TG: variants seen among roughly 807,000 people sequenced by gnomAD.
The protein encoded by TG is thyroid hormones.
A neutral mutation model predicts 324.7 loss-of-function variants in TG; 270 were observed. The observed-to-expected ratio is 0.83, with a 90% CI of 0.75 to 0.92. The LOEUF (loss-of-function observed/expected upper bound fraction) is 0.92. Ranked by LOEUF, TG falls within the 40% of genes least tolerant of loss-of-function variation. The probability of loss-of-function intolerance (pLI) is 0.00; values close to 1 mark genes in which losing one functional copy is unlikely to be tolerated. For missense variants in TG, 3,591 were observed against 3,456.4 expected (o/e 1.04, Z -0.98); for synonymous variants, 1,401 against 1,327.0 (o/e 1.06, Z -1.21).
intron 39 of TG, 70 bp downstream of exon 39, chr8:133,019,765 G>A: frequency 1.5e-6 from 2 of 1,355,796 alleles, no homozygotes; most frequent in South Asian, 1.2e-5. Flanking sequence ...TCCCCACTGT[G>A]GCCAGCACAG....
In TG at chr8:133,062,606, T is replaced by G. The variant is rs3758109; in HGVS notation, c.7240-32438T>G. ...CAGGCCTCCCTGGCCCTGAGGGGAT[T>G]GTAGCCACAGGCGCTGTCCTGCACA... On this transcript the variant is annotated intron_variant, in intron 41 of 47. Transcript: ENST00000220616. Among the ~76,000 whole-genome samples the G allele has an allele frequency of 3.9e-5, 6 of 152,338 alleles. No individual in the cohort carries two copies. In the East Asian group the frequency reaches 1.2e-3, roughly 29 times the overall value.
intron 45 of TG, among the ~76,000 whole-genome samples, chr8:133,126,737 G>A (rs1851548380): frequency 6.6e-6 from 1 of 151,830 alleles, no homozygotes; most frequent in African/African-American, 2.4e-5. Context: ...TTTGCCCAAA[G>A]AGAGGCACGC....
rs1175615635 is a variant in TG, at chr8:132,931,230, T to TA, written c.4816+2039dup. 5.9e-5 allele frequency among the ~76,000 whole-genome samples: 9 copies of TA among 152,242 alleles called. No homozygotes were observed. In the South Asian group the frequency reaches 1.9e-3, roughly 31 times the overall value. ...TTATTTCTCATAAGGACACCAGTCCTATTGCCTTAGGGCCCACCCTAATGA... is the reference window on the plus strand; with the variant it reads ...TTATTTCTCATAAGGACACCAGTCCTAATTGCCTTAGGGCCCACCCTAATGA... On this transcript the variant is annotated intron_variant, in intron 23 of 47. Coordinates refer to ENST00000220616, the MANE Select transcript of TG (RefSeq NM_003235.5).
At chr8:132,979,592 C>G (rs1830574858) in intron 34 of TG, among the ~76,000 whole-genome samples, 1 of 152,194 alleles carries the variant, frequency 6.6e-6, no homozygotes, top group African/African-American at 2.4e-5. Flanking sequence ...TGGCACTAGG[C>G]TAGCATTTGG....
At chr8:132,954,303 C>T (rs1291683944) in intron 27 of TG, among the ~76,000 whole-genome samples, 1 of 152,116 alleles carries the variant, frequency 6.6e-6, no homozygotes, top group African/African-American at 2.4e-5. Context: ...TGTGCATTGC[C>T]ATGTGCTTAG....
chr8:132,870,992 C>T (rs1839433661), intron 3 of TG, among the ~76,000 whole-genome samples: 1 of 152,142 alleles, frequency 6.6e-6, no homozygotes. Flanking sequence ...CACTAGCCTA[C>T]AAGCAGAGTG....
chr8:133,132,180 T>C (rs1851994126), intron 46 of TG, among the ~76,000 whole-genome samples: 1 of 152,212 alleles, frequency 6.6e-6, no homozygotes, highest in African/African-American at 2.4e-5. Flanking sequence ...ATTTGATGAC[T>C]CTAGATCGGG....
chr8:132,897,065 A>G (rs967142954), intron 11 of TG, among the ~76,000 whole-genome samples: 20 of 152,176 alleles, frequency 1.3e-4, no homozygotes, highest in African/African-American at 4.3e-4. Flanking sequence ...TGGATATCCA[A>G]GTTTCAAAGG....
At chr8:133,042,816 TC>T (rs1396152403) in intron 41 of TG, among the ~76,000 whole-genome samples, 1 of 149,214 alleles carries the variant, frequency 6.7e-6, no homozygotes, top group Non-Finnish European at 1.5e-5. Flanking sequence ...GCCTCAGCCT[TC>T]CGAATAGTTG....
chr8:133,052,969 G>A (rs1840693295), intron 41 of TG, among the ~76,000 whole-genome samples: 1 of 152,000 alleles, frequency 6.6e-6, no homozygotes, highest in African/African-American at 2.4e-5. Context: ...CTGGACTAAT[G>A]GCCCCCACAT....
At chr8:133,054,598 A>G (rs1170033380) in intron 41 of TG, among the ~76,000 whole-genome samples, 2 of 152,254 alleles carry the variant, frequency 1.3e-5, no homozygotes, top group Admixed American at 6.5e-5. Context: ...TCACCAGACC[A>G]TAACTCAAGA....
Position 133,021,984 on chromosome 8 carries a change from C to T in TG, c.6877-7C>T, listed in dbSNP as rs775975083. 6.2e-7 allele frequency: 1 copy of T among 1,614,122 alleles called. No homozygotes were observed. Among genetic ancestry groups the T allele is most frequent in the East Asian group, 2.2e-5 (1 of 44,862 alleles). ...ACTTTAGCCTCATGTTTCTCCAATA[C>T]CCACAGGCCCCTAACGCGTCTGTGC... On this transcript the variant is annotated splice_region_variant and splice_polypyrimidine_tract_variant and intron_variant, in intron 39 of 47. Transcript: ENST00000220616.
At chr8:133,035,324 A>G (rs1360458671) in intron 41 of TG, among the ~76,000 whole-genome samples, 1 of 152,110 alleles carries the variant, frequency 6.6e-6, no homozygotes, top group Non-Finnish European at 1.5e-5. Flanking sequence ...TTAAATTTTT[A>G]TTCATCATTT....
At chr8:132,923,238 T>A (rs1821354666) in intron 21 of TG, 100 bp from the exon 22 acceptor site, 1 of 1,296,800 alleles carries the variant, frequency 7.7e-7, no homozygotes, top group African/African-American at 1.5e-5. Context: ...GAGTTAGATG[T>A]GTGACTTGGA....
intron 11 of TG, among the ~76,000 whole-genome samples, chr8:132,896,897 G>T (rs1452369967): frequency 6.6e-6 from 1 of 152,204 alleles, no homozygotes; most frequent in Non-Finnish European, 1.5e-5. Context: ...GCAAAGCCCA[G>T]TGGGTCGGGG....
intron 16 of TG, among the ~76,000 whole-genome samples, chr8:132,903,491 TGA>T (rs1818225342): frequency 6.6e-6 from 1 of 152,206 alleles, no homozygotes; most frequent in South Asian, 2.1e-4. Context: ...TGGGAAAAGC[TGA>T]GAGATTTAAT....
At chr8:132,989,783 A>C (rs1832072433) in intron 35 of TG, among the ~76,000 whole-genome samples, 1 of 152,198 alleles carries the variant, frequency 6.6e-6, no homozygotes, top group Non-Finnish European at 1.5e-5. Context: ...GATCCTAAAA[A>C]GTGTCAGCAC....
At chr8:132,963,175 T>C (rs1310675265) in intron 29 of TG, 101 bp downstream of exon 29, 1 of 1,082,326 alleles carries the variant, frequency 9.2e-7, no homozygotes, top group Admixed American at 1.7e-5. Context: ...TTGACATCAC[T>C]CTATTCTGTA....
At chr8:133,073,758 C>G (rs1028602704) in intron 41 of TG, among the ~76,000 whole-genome samples, 5 of 152,084 alleles carry the variant, frequency 3.3e-5, no homozygotes, top group Non-Finnish European at 7.4e-5. Flanking sequence ...AGCTCTGCAT[C>G]CGCTTGTTCT....
Sources: gnomAD v4.1 joint callset for allele counts (sites outside exome capture counted in the v4.1 genomes callset) on GRCh38, gnomAD v4.1.1 for gene constraint, MANE v1.5 for transcripts, NCBI Gene and HGNC (gene_info 2026-07-23, HGNC 2026-07-21) for gene names.